The following NEK4 variants were observed in gnomAD, a reference collection of about 807,000 sequenced individuals.
NEK4 encodes the protein serine/threonine-protein kinase Nek4.
Under a neutral mutation model 98.4 loss-of-function variants are expected in NEK4, and 86 were observed. That is an observed-to-expected ratio of 0.87 (90% CI 0.73 to 1.05). The LOEUF (loss-of-function observed/expected upper bound fraction) is 1.05. Ranked by LOEUF, NEK4 falls within the 50% of genes least tolerant of loss-of-function variation. The probability of loss-of-function intolerance (pLI) is 0.00; values close to 1 mark genes in which losing one functional copy is unlikely to be tolerated. For missense variants in NEK4, 898 were observed against 950.3 expected (o/e 0.94, Z 0.72); for synonymous variants, 328 against 342.2 (o/e 0.96, Z 0.46).
intron 5 of NEK4, among the ~76,000 whole-genome samples, chr3:52,762,245 C>T (rs1698384007): frequency 6.6e-6 from 1 of 152,214 alleles, no homozygotes; most frequent in African/African-American, 2.4e-5. Context: ...GAAGAGGGAA[C>T]TTTATGCAAG....
At chr3:52,735,943 A>G (rs2097375212) in intron 15 of NEK4, among the ~76,000 whole-genome samples, 1 of 152,204 alleles carries the variant, frequency 6.6e-6, no homozygotes, top group Non-Finnish European at 1.5e-5. Context: ...AGCCATTTAA[A>G]AATTGGAATC....
intron 14 of NEK4, 113 bp downstream of exon 14, chr3:52,739,316 T>G (rs2097381671): frequency 2.4e-6 from 2 of 820,768 alleles, no homozygotes; most frequent in Non-Finnish European, 4.0e-6. Flanking sequence ...GGAGAATCGC[T>G]TGAACCCGGG....
At chr3:52,765,293 G>A (rs1453991361) in intron 4 of NEK4, among the ~76,000 whole-genome samples, 1 of 151,206 alleles carries the variant, frequency 6.6e-6, no homozygotes, top group African/African-American at 2.4e-5. Context: ...AGAGGTTGCT[G>A]TGAGCTGAGA....
At chr3:52,758,772 T>C (rs1698229823) in intron 6 of NEK4, among the ~76,000 whole-genome samples, 1 of 152,086 alleles carries the variant, frequency 6.6e-6, no homozygotes, top group Admixed American at 6.6e-5. Flanking sequence ...CGAGAACTCC[T>C]ACAACTCAAC....
In NEK4 at chr3:52,770,521, C is replaced by G. The variant is rs1003854380; in HGVS notation, c.93+133G>C. 5.8e-6 allele frequency: 4 copies of G among 684,666 alleles called. No homozygotes were observed. The African/African-American group carries it at 7.4e-5, about 13-fold the overall frequency. 42.4% of individuals were successfully genotyped at this position (684,666 alleles called of 1,614,324 possible). ...CAGGGAGGCCAGGCCTCGTCTTGGT[C>G]TGGGACCATTTCCCTGAGGAAACGC... is the stretch of plus-strand genomic sequence containing the variant. On this transcript the variant is annotated intron_variant, in intron 1 of 15. Coordinates refer to ENST00000233027, the MANE Select transcript of NEK4 (RefSeq NM_003157.6).
chr3:52,720,524 C>T (rs2097359199), intron 15 of NEK4, among the ~76,000 whole-genome samples: 1 of 152,100 alleles, frequency 6.6e-6, no homozygotes, highest in South Asian at 2.1e-4. Context: ...TTGAAAGCAG[C>T]AAGATGAAAA....
In NEK4 at chr3:52,766,332, T is replaced by C. The variant is rs1437168372; in HGVS notation, c.404A>G (p.Gln135Arg). 2 of 1,614,020 alleles carry C rather than the reference T, an allele frequency of 1.2e-6. No homozygotes were observed. The highest frequency in any genetic ancestry group is 8.5e-7 in the Non-Finnish European group (1 of 1,179,976). The change falls in exon 3 of 16, where the codon CAA becomes CGA. Residue 135 changes from glutamine (Q) to arginine (R), a missense_variant. Gln to Arg is a conservative substitution (Grantham distance 43). Transcript: ENST00000233027. Reference protein sequence around the residue: ...KHILHRDLKTQNVFLTRTNII... With the variant: ...KHILHRDLKTRNVFLTRTNII... The stretch of plus-strand genomic sequence containing the variant: ...GTTTGTTCTTGTTAGGAAGACATTT[T>C]GAGTTTTCAGATCTCGATGAAGGAT...
chr3:52,722,836 C>T (rs1325540459), intron 15 of NEK4, among the ~76,000 whole-genome samples: 2 of 152,134 alleles, frequency 1.3e-5, no homozygotes, highest in African/African-American at 4.8e-5. Context: ...GCCCAGGCTG[C>T]AGTGAGCCAT....
chr3:52,742,820 TG>T (rs1409632923), intron 12 of NEK4, among the ~76,000 whole-genome samples: 1 of 152,178 alleles, frequency 6.6e-6, no homozygotes, highest in Non-Finnish European at 1.5e-5. Context: ...GACAGAGTCT[TG>T]CTCTGTCACC....
rs376948484 is a variant in NEK4, at chr3:52,746,687, T to C, written c.1677+47A>G. 5.7e-5 allele frequency: 88 copies of C among 1,539,532 alleles called. No homozygotes were observed. In the African/African-American group the frequency reaches 6.5e-4, roughly 11 times the overall value. ...AATTGTTAATTGCTCTAAATAGAAA[T>C]TGAGTTTCCCAAAGTCCACCTCCCA... On this transcript the variant is annotated intron_variant, in intron 9 of 15. Transcript: ENST00000233027.
At position 52,743,465 on chromosome 3, in the gene NEK4, A is replaced by G. The variant is rs2154104132; in HGVS notation, c.1895-4T>C. On this transcript the variant is annotated splice_polypyrimidine_tract_variant and splice_region_variant and intron_variant, in intron 11 of 15. Transcript: ENST00000233027. Reference sequence around the variant, plus strand: ...GACGCTTTCCTCACTGAAGGGCCTGAAAAGGCAAACATCCCCAGTAGTTGT... The same window carrying G: ...GACGCTTTCCTCACTGAAGGGCCTGGAAAGGCAAACATCCCCAGTAGTTGT... 1.2e-6 allele frequency: 2 copies of G among 1,611,918 alleles called. No homozygotes were observed. The highest frequency in any genetic ancestry group is 2.7e-5 in the African/African-American group (2 of 75,008).
intron 13 of NEK4, among the ~76,000 whole-genome samples, chr3:52,740,813 AAATAT>A (rs1322125429): frequency 1.6e-3 from 212 of 133,480 alleles, no homozygotes; most frequent in African/African-American, 4.8e-3. Flanking sequence ...AAATAAAATA[AAATAT>A]ATTTTTAAAA....
At chr3:52,738,663 C>A (rs1489269742) in intron 14 of NEK4, among the ~76,000 whole-genome samples, 1 of 151,932 alleles carries the variant, frequency 6.6e-6, no homozygotes, top group Non-Finnish European at 1.5e-5. Flanking sequence ...GTTGCCCAGG[C>A]TGGTCTCAAA....
intron 15 of NEK4, among the ~76,000 whole-genome samples, chr3:52,723,149 G>T (rs1367943291): frequency 6.6e-6 from 1 of 152,040 alleles, no homozygotes; most frequent in Non-Finnish European, 1.5e-5. Flanking sequence ...AGGCTGCAGG[G>T]AGCTATCACT....
At chr3:52,761,175 T>C (rs1698341251) in intron 5 of NEK4, among the ~76,000 whole-genome samples, 1 of 152,218 alleles carries the variant, frequency 6.6e-6, no homozygotes, top group Admixed American at 6.5e-5. Context: ...TGATTAGATG[T>C]ACTATATCCT....
In NEK4 at chr3:52,739,498, C is replaced by T; in HGVS notation, c.2230G>A (p.Asp744Asn). Residue 744 changes from aspartate to asparagine, a missense_variant, in exon 14 of 16, where the codon GAC becomes AAC. Coordinates refer to ENST00000233027, the MANE Select transcript of NEK4 (RefSeq NM_003157.6). The part of the protein sequence containing the change: ...SEFKLHRKYR[D>N]TLILHGKVAE... ...ACCTTCCCATGAAGTATCAGTGTGT[C>T]CCGATATTTCCGATGAAGTTTGAAT... 1.9e-6 allele frequency: 3 copies of T among 1,614,102 alleles called. No homozygotes were observed. Among genetic ancestry groups the T allele is most frequent in the Non-Finnish European group, 2.5e-6 (3 of 1,179,976 alleles).
At chr3:52,741,583 T>C (rs73078852) in intron 12 of NEK4, 84 bp from the exon 13 acceptor site, 298 of 794,454 alleles carry the variant, frequency 3.8e-4, no homozygotes, top group Non-Finnish European at 6.0e-4. Flanking sequence ...ATGCAACAAC[T>C]AGACACAATA....
At chr3:52,712,206 C>T (rs974130067) in intron 15 of NEK4, among the ~76,000 whole-genome samples, 2 of 152,218 alleles carry the variant, frequency 1.3e-5, no homozygotes, top group African/African-American at 4.8e-5. Context: ...TCAGCAAATT[C>T]ATTTATATAT....
chr3:52,721,406 T>C (rs1344948048), intron 15 of NEK4, among the ~76,000 whole-genome samples: 1 of 152,138 alleles, frequency 6.6e-6, no homozygotes, highest in South Asian at 2.1e-4. Context: ...TTTTCCCCCT[T>C]TTGGGGGCCA....
Sources: gnomAD v4.1 joint callset for allele counts (sites outside exome capture counted in the v4.1 genomes callset) on GRCh38, gnomAD v4.1.1 for gene constraint, MANE v1.5 for transcripts, NCBI Gene and HGNC (gene_info 2026-07-23, HGNC 2026-07-21) for gene names.